The following PRKN variants were observed in gnomAD, a reference collection of about 807,000 sequenced individuals.
PRKN encodes the protein parkin RBR E3 ubiquitin protein ligase, also known as E3 ubiquitin-protein ligase parkin.
PRKN carries 56 observed loss-of-function variants against 59.5 expected under a neutral mutation model. The observed-to-expected ratio is 0.94, with a 90% CI of 0.76 to 1.18. The LOEUF is 1.18. Among genes scored for constraint, PRKN ranks in the 50% most tolerant of loss-of-function variants. The probability of loss-of-function intolerance (pLI) is 0.00; values close to 1 mark genes in which losing one functional copy is unlikely to be tolerated. For synonymous variants in PRKN, 250 were observed against 222.1 expected (o/e 1.13, Z -1.12); for missense variants, 657 against 596.4 (o/e 1.10, Z -1.06).
At chr6:162,709,992 G>A (rs899827993) in intron 1 of PRKN, among the ~76,000 whole-genome samples, 2 of 152,112 alleles carry the variant, frequency 1.3e-5, no homozygotes, top group African/African-American at 4.8e-5. Flanking sequence ...CGGAACCGTG[G>A]ATATTGCTCA....
chr6:162,287,859 A>G (rs1312470339), intron 2 of PRKN, among the ~76,000 whole-genome samples: 1 of 152,184 alleles, frequency 6.6e-6, no homozygotes, highest in African/African-American at 2.4e-5. Context: ...AAGTGGGGGC[A>G]ACCCATGCCA....
chr6:162,004,966 T>C (rs982656098), intron 5 of PRKN, among the ~76,000 whole-genome samples: 1 of 152,256 alleles, frequency 6.6e-6, no homozygotes, highest in Non-Finnish European at 1.5e-5. Context: ...ATATACATTT[T>C]TCTTTCCATA....
At chr6:162,701,047 G>A (rs1394060833) in intron 1 of PRKN, among the ~76,000 whole-genome samples, 5 of 152,072 alleles carry the variant, frequency 3.3e-5, no homozygotes, top group African/African-American at 1.2e-4. Flanking sequence ...CTCGGCTCTG[G>A]ACTCCCTCTG....
At chr6:162,405,334 T>C (rs562084300) in intron 2 of PRKN, among the ~76,000 whole-genome samples, 1 of 152,278 alleles carries the variant, frequency 6.6e-6, no homozygotes, top group East Asian at 1.9e-4. Flanking sequence ...AGCATCAAAA[T>C]CACCTGCAGG....
Position 161,369,963 on chromosome 6 carries a change from C to T in PRKN, c.1168-9758G>A. The T allele has an allele frequency of 2.2e-6, 1 of 447,082 alleles. No individual in the cohort carries two copies. Among genetic ancestry groups the T allele is most frequent in the Non-Finnish European group, 4.5e-6 (1 of 220,026 alleles). The allele number at this position is 447,082 out of a possible 1,614,324, so 27.7% of individuals were successfully genotyped here. ...TAAGATCAACACACAAACGGCTTAG[C>T]ACAGAGCCAGGTGCACCCTGAATGC... On this transcript the variant is annotated intron_variant, in intron 10 of 11. Coordinates refer to ENST00000366898, the MANE Select transcript of PRKN (RefSeq NM_004562.3). The surrounding 1 kb of genome is among the most constrained non-coding windows in gnomAD (Gnocchi z 5.8).
At chr6:161,719,742 T>G (rs1331423436) in intron 7 of PRKN, among the ~76,000 whole-genome samples, 1 of 152,226 alleles carries the variant, frequency 6.6e-6, no homozygotes, top group Non-Finnish European at 1.5e-5. Flanking sequence ...TCCTCCTGCC[T>G]TAGCCTGCTG....
intron 6 of PRKN, among the ~76,000 whole-genome samples, chr6:161,957,252 C>T (rs532151635): frequency 6.6e-6 from 1 of 152,268 alleles, no homozygotes; most frequent in South Asian, 2.1e-4. Context: ...TGAACTATCA[C>T]CACAACCTTG....
chr6:161,639,052 T>C (rs1783638577), intron 7 of PRKN, among the ~76,000 whole-genome samples: 1 of 151,968 alleles, frequency 6.6e-6, no homozygotes, highest in Admixed American at 6.6e-5. Flanking sequence ...GATCTGACGG[T>C]TTTTCCCCCT....
chr6:162,095,114 G>T (rs1779671991), intron 4 of PRKN, among the ~76,000 whole-genome samples: 1 of 152,156 alleles, frequency 6.6e-6, no homozygotes, highest in African/African-American at 2.4e-5. Flanking sequence ...GTCTTCAGGG[G>T]AAGGCTTTTC....
chr6:161,426,644 T>TACAC (rs546537464), intron 9 of PRKN, among the ~76,000 whole-genome samples: 6,743 of 30,998 alleles, frequency 0.22, 217 homozygotes, highest in Non-Finnish European at 0.26. Context: ...AACTCCCCTT[T>TACAC]ACACACACAC....
intron 2 of PRKN, among the ~76,000 whole-genome samples, chr6:162,381,740 T>A (rs1354965447): frequency 1.3e-5 from 2 of 152,198 alleles, no homozygotes; most frequent in East Asian, 1.9e-4. Flanking sequence ...GATTTTTTTT[T>A]ATTAGTCCAA....
At chr6:162,691,781 C>A (rs1777783441) in intron 1 of PRKN, among the ~76,000 whole-genome samples, 1 of 152,290 alleles carries the variant, frequency 6.6e-6, no homozygotes, top group East Asian at 1.9e-4. Context: ...ATTCAACCTA[C>A]ATCACTAGAG....
chr6:162,549,588 C>A (rs189038172), intron 1 of PRKN, among the ~76,000 whole-genome samples: 1 of 151,730 alleles, frequency 6.6e-6, no homozygotes, highest in Non-Finnish European at 1.5e-5. Flanking sequence ...TAGATAACAG[C>A]CTAGCAGGGG....
chr6:162,615,565 G>C lies in PRKN; in HGVS notation c.7+112097C>G, dbSNP rs1782374215. On this transcript the variant is annotated intron_variant, in intron 1 of 11. Coordinates refer to ENST00000366898, the MANE Select transcript of PRKN (RefSeq NM_004562.3). ...TGCAATGCACATGCCACCCCAGCAA[G>C]GTCAAAAGTCTCCTAGCAACTCTTC... 2.6e-5 allele frequency among the ~76,000 whole-genome samples: 4 copies of C among 152,100 alleles called. No homozygotes were observed. In the South Asian group the frequency reaches 8.3e-4, roughly 32 times the overall value.
At chr6:161,450,660 G>T (rs1285878372) in intron 9 of PRKN, among the ~76,000 whole-genome samples, 1 of 152,040 alleles carries the variant, frequency 6.6e-6, no homozygotes, top group Non-Finnish European at 1.5e-5. Flanking sequence ...AGGTTCAAGT[G>T]ATTCTCCTGC....
At chr6:161,696,925 A>T (rs1786046203) in intron 7 of PRKN, among the ~76,000 whole-genome samples, 1 of 152,190 alleles carries the variant, frequency 6.6e-6, no homozygotes, top group Admixed American at 6.6e-5. Flanking sequence ...CAGAAACTAA[A>T]GAGAACATGT....
At chr6:161,859,583 C>T (rs1793804286) in intron 6 of PRKN, among the ~76,000 whole-genome samples, 1 of 132,874 alleles carries the variant, frequency 7.5e-6, no homozygotes, top group South Asian at 2.5e-4. Context: ...TGTACTCCAG[C>T]CTGGGTGACA....
At chr6:161,934,009 C>A (rs1330002142) in intron 6 of PRKN, among the ~76,000 whole-genome samples, 3 of 152,200 alleles carry the variant, frequency 2.0e-5, no homozygotes, top group Middle Eastern at 3.2e-3. Context: ...GGCTTTGTAT[C>A]CCTGCCCAAA....
chr6:161,554,642 G>C lies in PRKN; in HGVS notation c.934-5639C>G, dbSNP rs1202998288. 1.3e-5 allele frequency among the ~76,000 whole-genome samples: 2 copies of C among 150,838 alleles called. No individual in the cohort carries two copies. Among genetic ancestry groups the C allele is most frequent in the South Asian group, 4.2e-4 (2 of 4,788 alleles). ...AAAATCTTTATATTATACATAAAAA[G>C]AATATATGGAATTATAGTTTCTTAC... On this transcript the variant is annotated intron_variant, in intron 8 of 11. Transcript: ENST00000366898. This position sits in a 1 kb window ranked among gnomAD's most constrained non-coding sequence, Gnocchi z 4.5.
Sources: gnomAD v4.1 joint callset for allele counts (sites outside exome capture counted in the v4.1 genomes callset) on GRCh38, gnomAD v4.1.1 for gene constraint, Gnocchi (gnomAD v3.1) non-coding constraint, MANE v1.5 for transcripts, NCBI Gene and HGNC (gene_info 2026-07-23, HGNC 2026-07-21) for gene names.